PPP1R9B: variants seen among roughly 807,000 people sequenced by gnomAD.
PPP1R9B encodes protein phosphatase 1 regulatory subunit 9B, also known as neurabin-2.
Under a neutral mutation model 75.8 loss-of-function variants are expected in PPP1R9B, and 17 were observed. The observed-to-expected ratio is 0.22, with a 90% CI of 0.15 to 0.34. The LOEUF (loss-of-function observed/expected upper bound fraction) is 0.34. Among genes scored for constraint, PPP1R9B ranks in the 10% least tolerant of loss-of-function variants. The pLI is 1.00. For synonymous variants in PPP1R9B, 509 were observed against 535.4 expected, an observed-to-expected ratio of 0.95 and a Z score of 0.68; for missense variants, 875 against 1,196.0, an observed-to-expected ratio of 0.73 and a Z score of 3.96.
chr17:50,143,493 C>G, intron 3 of PPP1R9B, 105 bp downstream of exon 3: 1 of 1,414,010 alleles, frequency 7.1e-7, no homozygotes, highest in Non-Finnish European at 9.7e-7. Context: ...GCACGGAAAT[C>G]TCCCAGGGAA....
intron 7 of PPP1R9B, 45 bp from the exon 8 acceptor site, chr17:50,136,242 A>G: frequency 6.5e-7 from 1 of 1,533,756 alleles, no homozygotes; most frequent in Non-Finnish European, 8.8e-7. Flanking sequence ...GGCCAGCAGG[A>G]GCCAAAGGGT....
chr17:50,149,699 C>T lies in PPP1R9B; in HGVS notation c.815G>A (p.Cys272Tyr). The part of the protein sequence containing the change: ...SGDAPAEKER[C>Y]PAGQQPPQHR... The stretch of plus-strand genomic sequence containing the variant: ...CTGCGGGGGCTGCTGCCCTGCGGGG[C>T]ATCGCTCTTTCTCGGCCGGGGCATC... Residue 272 changes from cysteine (C) to tyrosine (Y), a missense_variant, in exon 1 of 10, where the codon TGC becomes TAC. Transcript: ENST00000612501. This position sits in a 1 kb window ranked among gnomAD's most constrained non-coding sequence, Gnocchi z 7.2. 7.0e-7 allele frequency: 1 copy of T among 1,423,182 alleles called. No individual in the cohort carries two copies. The allele number at this position is 1,423,182 out of a possible 1,614,324, so 88.2% of individuals were successfully genotyped here.
chr17:50,136,159 C>T lies in PPP1R9B; in HGVS notation c.2112G>A (p.Val704=), dbSNP rs772814786. 19 of 1,602,874 alleles carry T rather than the reference C, an allele frequency of 1.2e-5. No individual in the cohort carries two copies. Among genetic ancestry groups the T allele is most frequent in the South Asian group, 2.2e-5 (2 of 91,084 alleles). The change falls in exon 8 of 10, where the codon GTG becomes GTA. Residue 704 remains valine (V), a synonymous_variant. Transcript: ENST00000612501. ...CACTCTGCTCCAACTGCGCCTTCTCCACCCGCCAGCGCCCCTTCTCCTGCT... is the reference window on the plus strand; with the variant it reads ...CACTCTGCTCCAACTGCGCCTTCTCTACCCGCCAGCGCCCCTTCTCCTGCT... ...SLEQEKGRWR[V]EKAQLEQSVE...
intron 9 of PPP1R9B, 68 bp from the exon 10 acceptor site, chr17:50,135,452 C>G: frequency 6.3e-7 from 1 of 1,580,294 alleles, no homozygotes; most frequent in South Asian, 1.1e-5. Flanking sequence ...CTTCCGCCCC[C>G]CGGTGAGGAC....
At position 50,149,099 on chromosome 17, in the gene PPP1R9B, C is replaced by T. The variant is rs1292517995; in HGVS notation, c.1371+44G>A. 9.3e-6 allele frequency: 12 copies of T among 1,284,168 alleles called. No homozygotes were observed. The highest frequency in any genetic ancestry group is 3.8e-5 in the Admixed American group (1 of 26,040). 79.5% of individuals were successfully genotyped at this position (1,284,168 alleles called of 1,614,324 possible). On this transcript the variant is annotated intron_variant, in intron 1 of 9. Transcript: ENST00000612501. The surrounding 1 kb of genome is among the most constrained non-coding windows in gnomAD (Gnocchi z 7.2). ...TGGCGAGCGGGGGCGGCCGCGTGCA[C>T]GTGGCAGGGGCGGCGCGGGGGCAGG...
chr17:50,138,351 T>A (rs758271061), intron 7 of PPP1R9B, among the ~76,000 whole-genome samples: 2 of 152,324 alleles, frequency 1.3e-5, no homozygotes, highest in South Asian at 4.1e-4. Flanking sequence ...TGGGTCTGCA[T>A]ATCCAGGCTG....
At chr17:50,144,533 G>T (rs1912465534) in intron 2 of PPP1R9B, among the ~76,000 whole-genome samples, 2 of 152,098 alleles carry the variant, frequency 1.3e-5, no homozygotes, top group South Asian at 4.2e-4. Context: ...GGTCTGCAAG[G>T]CCTCATTTGC....
At chr17:50,145,335 C>T (rs948996781) in intron 1 of PPP1R9B, 90 bp from the exon 2 acceptor site, 18 of 1,514,192 alleles carry the variant, frequency 1.2e-5, no homozygotes, top group Non-Finnish European at 1.6e-5. Flanking sequence ...CTGAGTTACC[C>T]ACCCCATGCC....
In PPP1R9B at chr17:50,150,080, T is replaced by C; in HGVS notation, c.434A>G (p.Gln145Arg). Reference protein sequence around the residue: ...APPPHPPSRLQETRKLFERSA... With the variant: ...APPPHPPSRLRETRKLFERSA... Reference sequence around the variant, plus strand: ...CCGTTCGAACAGCTTCCGCGTCTCCTGCAGCCGGGACGGCGGGTGCGGCGG... The same window carrying C: ...CCGTTCGAACAGCTTCCGCGTCTCCCGCAGCCGGGACGGCGGGTGCGGCGG... The change falls in exon 1 of 10, where the codon CAG (glutamine) becomes CGG (arginine). Residue 145 changes from glutamine (Q) to arginine (R), a missense_variant. Physicochemically the swap from Gln to Arg is conservative, Grantham distance 43. This residue lies in a region of PPP1R9B where 449 missense variants were observed against 475.0 expected (regional missense o/e 0.95). Coordinates refer to ENST00000612501, the MANE Select transcript of PPP1R9B (RefSeq NM_032595.5). The surrounding 1 kb of genome is among the most constrained non-coding windows in gnomAD (Gnocchi z 8.7). 5 of 1,418,982 alleles carry C rather than the reference T, an allele frequency of 3.5e-6. No individual in the cohort carries two copies. The highest frequency in any genetic ancestry group is 4.6e-6 in the Non-Finnish European group (5 of 1,092,406). The allele number at this position is 1,418,982 out of a possible 1,614,324, so 87.9% of individuals were successfully genotyped here. A position where few individuals can be genotyped will look rare whatever the true frequency, so the allele number is the denominator to read the frequency against.
chr17:50,145,536 G>A (rs1167365777), intron 1 of PPP1R9B, among the ~76,000 whole-genome samples: 1 of 152,176 alleles, frequency 6.6e-6, no homozygotes, highest in Admixed American at 6.5e-5. Context: ...CACAGAAGGG[G>A]AATCCTGGAG....
chr17:50,138,229 CCT>C (rs1167189121), intron 7 of PPP1R9B, among the ~76,000 whole-genome samples: 11 of 151,328 alleles, frequency 7.3e-5, no homozygotes, highest in African/African-American at 2.4e-4. Context: ...GGCATCAGCA[CCT>C]CTGTGTTACT....
intron 7 of PPP1R9B, among the ~76,000 whole-genome samples, chr17:50,136,442 G>A (rs1912233522): frequency 6.6e-6 from 1 of 152,162 alleles, no homozygotes; most frequent in South Asian, 2.1e-4. Context: ...GGAGGCTGGA[G>A]GCTTCGGTTA....
rs1429285646 is a variant in PPP1R9B, at chr17:50,139,293, A to C, written c.2043T>G (p.Thr681=). The C allele has an allele frequency of 6.2e-7, 1 of 1,614,046 alleles. No homozygotes were observed. The highest frequency in any genetic ancestry group is 2.2e-5 in the East Asian group (1 of 44,890). ...TTTTCAGCTGCTGGATCTCTGCCTC[A>C]GTGACCGCATGCTTGATCTGGAGCT... The part of the protein sequence containing the change: ...FKELQIKHAV[T]EAEIQQLKRK... Residue 681 remains threonine (T), a synonymous_variant, in exon 7 of 10, where the codon ACT becomes ACG. Transcript: ENST00000612501. This position sits in a 1 kb window ranked among gnomAD's most constrained non-coding sequence, Gnocchi z 5.0.
chr17:50,142,182 G>A lies in PPP1R9B; in HGVS notation c.1626-809C>T, dbSNP rs910648898. ...GCCCGTGTTCTCCATACAAGGGGAG[G>A]TTCAGTCTGGCCTGCTGAGGGAGAT... On this transcript the variant is annotated intron_variant, in intron 3 of 9. Transcript: ENST00000612501. The surrounding 1 kb of genome is among the most constrained non-coding windows in gnomAD (Gnocchi z 4.1). 6.6e-6 allele frequency among the ~76,000 whole-genome samples: 1 copy of A among 152,130 alleles called. No individual in the cohort carries two copies. Among genetic ancestry groups the A allele is most frequent in the Non-Finnish European group, 1.5e-5 (1 of 68,018 alleles).
chr17:50,142,698 T>G lies in PPP1R9B; in HGVS notation c.1625+900A>C, dbSNP rs1392664020. ...GGGGATGCCCTACAGCCCTTCCTAC[T>G]GCCACTCCCCACACCCCTGGAATAC... On this transcript the variant is annotated intron_variant, in intron 3 of 9. Transcript: ENST00000612501. This position sits in a 1 kb window ranked among gnomAD's most constrained non-coding sequence, Gnocchi z 4.1. Among the ~76,000 whole-genome samples, 1 of 152,118 alleles carries G rather than the reference T, an allele frequency of 6.6e-6. No individual in the cohort carries two copies. Among genetic ancestry groups the G allele is most frequent in the South Asian group, 2.1e-4 (1 of 4,826 alleles).
Position 50,135,640 on chromosome 17 carries a change from C to T in PPP1R9B, c.2313G>A (p.Glu771=), listed in dbSNP as rs1417521331. 1 of 1,606,258 alleles carries T rather than the reference C, an allele frequency of 6.2e-7. No individual in the cohort carries two copies. Among genetic ancestry groups the T allele is most frequent in the Non-Finnish European group, 8.5e-7 (1 of 1,176,322 alleles). The part of the protein sequence containing the change: ...LIKDYQQKEI[E]FLKKETAQRR... ...GCTGTGCAGTCTCCTTTTTCAGGAA[C>T]TCGATCTCCCTGGGCACAGGCAAGG... The change falls in exon 9 of 10, where the codon GAG becomes GAA. Residue 771 remains glutamate (E), a synonymous_variant. Transcript: ENST00000612501.
At chr17:50,147,615 C>T (rs543794623) in intron 1 of PPP1R9B, among the ~76,000 whole-genome samples, 14 of 152,262 alleles carry the variant, frequency 9.2e-5, no homozygotes, top group Admixed American at 3.3e-4. Context: ...AGACCAAACT[C>T]CAACTCTGAG....
At chr17:50,148,513 G>A (rs1912580321) in intron 1 of PPP1R9B, among the ~76,000 whole-genome samples, 1 of 152,360 alleles carries the variant, frequency 6.6e-6, no homozygotes, top group South Asian at 2.1e-4. Context: ...GGGACCCCCA[G>A]GGAACACGGC....
At position 50,142,475 on chromosome 17, in the gene PPP1R9B, C is replaced by CCCGG. The variant is rs1173608018; in HGVS notation, c.1626-1106_1626-1103dup. On this transcript the variant is annotated intron_variant, in intron 3 of 9. Transcript: ENST00000612501. The surrounding 1 kb of genome is among the most constrained non-coding windows in gnomAD (Gnocchi z 4.1). ...GGGGTAAATGAAAGGGTATCCTGTTCCCGGCCCCTCTCCATGCCACCTGGG... is the reference window on the plus strand; with the variant it reads ...GGGGTAAATGAAAGGGTATCCTGTTCCCGGCCGGCCCCTCTCCATGCCACCTGGG... 1.3e-5 allele frequency among the ~76,000 whole-genome samples: 2 copies of CCCGG among 152,154 alleles called. No individual in the cohort carries two copies. The highest frequency in any genetic ancestry group is 4.8e-5 in the African/African-American group (2 of 41,414).
Sources: gnomAD v4.1 joint callset for allele counts (sites outside exome capture counted in the v4.1 genomes callset) on GRCh38, gnomAD v4.1.1 for gene constraint, gnomAD v4.1.1 regional missense constraint, Gnocchi (gnomAD v3.1) non-coding constraint, MANE v1.5 for transcripts, NCBI Gene and HGNC (gene_info 2026-07-23, HGNC 2026-07-21) for gene names.